The following ROBO2 variants were observed in gnomAD, a reference collection of about 807,000 sequenced individuals.
ROBO2 encodes the protein roundabout guidance receptor 2.
Under a neutral mutation model 160.8 loss-of-function variants are expected in ROBO2, and 53 were observed. The observed-to-expected ratio is 0.33, with a 90% CI of 0.26 to 0.41. The LOEUF (loss-of-function observed/expected upper bound fraction) is 0.41. Ranked by LOEUF, ROBO2 falls within the 10% of genes least tolerant of loss-of-function variation. The pLI, the probability that ROBO2 is intolerant of heterozygous loss-of-function variation, is 1.00. For missense variants in ROBO2, 1,577 were observed against 1,722.4 expected, an observed-to-expected ratio of 0.92 and a Z score of 1.49; for synonymous variants, 664 against 611.7, an observed-to-expected ratio of 1.09 and a Z score of -1.26.
intron 2 of ROBO2, among the ~76,000 whole-genome samples, chr3:76,306,471 G>A (rs908685406): frequency 7.9e-5 from 12 of 151,694 alleles, no homozygotes; most frequent in African/African-American, 2.7e-4. Flanking sequence ...AAAATTCAGG[G>A]GGTATAATTA....
chr3:76,279,972 C>T (rs759755884), intron 2 of ROBO2, among the ~76,000 whole-genome samples: 9 of 151,878 alleles, frequency 5.9e-5, no homozygotes, highest in East Asian at 1.9e-4. Context: ...CTACTGCTTT[C>T]GGTACTAAAC....
At chr3:76,036,786 G>A (rs1228019445) in intron 2 of ROBO2, among the ~76,000 whole-genome samples, 1 of 152,146 alleles carries the variant, frequency 6.6e-6, no homozygotes, top group African/African-American at 2.4e-5. Flanking sequence ...TTACAGGCAT[G>A]AGCCACTGTG....
intron 2 of ROBO2, among the ~76,000 whole-genome samples, chr3:77,204,000 C>T (rs1441287278): frequency 6.6e-6 from 1 of 152,156 alleles, no homozygotes; most frequent in East Asian, 1.9e-4. Flanking sequence ...GGATAAAATA[C>T]AGCCCACAAT....
chr3:76,067,804 A>T (rs936962599), intron 2 of ROBO2, among the ~76,000 whole-genome samples: 9 of 150,648 alleles, frequency 6.0e-5, no homozygotes, highest in Admixed American at 5.3e-4. Flanking sequence ...TAGGATTTTT[A>T]TGCAAAGCAG....
intron 2 of ROBO2, among the ~76,000 whole-genome samples, chr3:77,371,603 G>A (rs1465535876): frequency 1.3e-5 from 2 of 152,200 alleles, no homozygotes; most frequent in Admixed American, 1.3e-4. Context: ...TATAATGTGA[G>A]TTTTCTTATG....
intron 2 of ROBO2, among the ~76,000 whole-genome samples, chr3:76,921,481 G>A (rs562811810): frequency 9.2e-5 from 14 of 152,122 alleles, no homozygotes; most frequent in East Asian, 5.9e-4. Flanking sequence ...GCGTGGTGAC[G>A]CACACTTGTA....
At chr3:77,115,460 T>G (rs755214424) in intron 2 of ROBO2, among the ~76,000 whole-genome samples, 5 of 152,180 alleles carry the variant, frequency 3.3e-5, no homozygotes, top group Non-Finnish European at 5.9e-5. Flanking sequence ...CTCTGTAAAA[T>G]AAGTTAAAAT....
At chr3:76,280,838 G>C (rs968339456) in intron 2 of ROBO2, among the ~76,000 whole-genome samples, 29 of 151,854 alleles carry the variant, frequency 1.9e-4, no homozygotes, top group African/African-American at 6.8e-4. Context: ...CATCAAGTAA[G>C]TGCACATTTA....
chr3:76,849,531 A>T (rs553561379), intron 2 of ROBO2, among the ~76,000 whole-genome samples: 1 of 152,230 alleles, frequency 6.6e-6, no homozygotes, highest in African/African-American at 2.4e-5. Context: ...TGATTCCAAC[A>T]TAAGCTATCT....
chr3:76,076,934 C>G (rs2107999752), intron 2 of ROBO2, among the ~76,000 whole-genome samples: 1 of 152,320 alleles, frequency 6.6e-6, no homozygotes. Context: ...TATGTAAGCT[C>G]AGACGTCTAG....
intron 2 of ROBO2, among the ~76,000 whole-genome samples, chr3:76,509,530 A>G (rs2080970174): frequency 1.3e-5 from 2 of 152,108 alleles, no homozygotes; most frequent in Admixed American, 6.6e-5. Context: ...TCCTTATTCA[A>G]TGGCAGATGG....
chr3:76,830,080 A>G (rs1412114196), intron 2 of ROBO2, among the ~76,000 whole-genome samples: 1 of 152,192 alleles, frequency 6.6e-6, no homozygotes, highest in African/African-American at 2.4e-5. Context: ...GAACTCTAAC[A>G]GATAATCTTT....
intron 2 of ROBO2, among the ~76,000 whole-genome samples, chr3:77,285,254 A>G (rs1056508529): frequency 2.0e-5 from 3 of 152,164 alleles, no homozygotes; most frequent in African/African-American, 7.2e-5. Context: ...ATTGGCCAGA[A>G]CACTTATGAT....
intron 2 of ROBO2, among the ~76,000 whole-genome samples, chr3:77,178,394 T>C (rs780539147): frequency 3.9e-5 from 6 of 152,014 alleles, no homozygotes; most frequent in Non-Finnish European, 7.4e-5. Flanking sequence ...GCTTTGTTTC[T>C]TAAAGGGAAA....
intron 1 of ROBO2, among the ~76,000 whole-genome samples, chr3:77,088,225 T>C (rs995107055): frequency 3.9e-5 from 6 of 152,224 alleles, no homozygotes; most frequent in Non-Finnish European, 8.8e-5. Flanking sequence ...AGTAAAGACC[T>C]GAGATACAAT....
intron 2 of ROBO2, among the ~76,000 whole-genome samples, chr3:76,839,875 T>C (rs2148458627): frequency 6.6e-6 from 1 of 152,324 alleles, no homozygotes; most frequent in African/African-American, 2.4e-5. Context: ...GTTTTTTATT[T>C]CTTCATGGAT....
intron 2 of ROBO2, among the ~76,000 whole-genome samples, chr3:76,899,050 A>G (rs868104210): frequency 6.6e-6 from 1 of 152,114 alleles, no homozygotes; most frequent in Non-Finnish European, 1.5e-5. Context: ...TGTTTCCAAA[A>G]TCACCAGTAC....
At chr3:76,947,750 G>A (rs2078658973) in intron 2 of ROBO2, among the ~76,000 whole-genome samples, 2 of 151,666 alleles carry the variant, frequency 1.3e-5, no homozygotes, top group African/African-American at 4.8e-5. Flanking sequence ...TCCTGCAATC[G>A]ATGACATGTG....
At chr3:77,037,547 C>T (rs947242117), upstream of ROBO2, among the ~76,000 whole-genome samples, 3 of 152,276 alleles carry the variant, frequency 2.0e-5, no homozygotes, top group South Asian at 6.2e-4. Flanking sequence ...TGTAATTTGT[C>T]ATACCCTACA....
Sources: gnomAD v4.1 joint callset for allele counts (sites outside exome capture counted in the v4.1 genomes callset) on GRCh38, gnomAD v4.1.1 for gene constraint, MANE v1.5 for transcripts, NCBI Gene and HGNC (gene_info 2026-07-23, HGNC 2026-07-21) for gene names.